The following ZNF536 variants were observed in gnomAD, a reference collection of about 807,000 sequenced individuals.
The protein encoded by ZNF536 is zinc finger protein 536.
ZNF536 carries 13 observed loss-of-function variants against 84.5 expected under a neutral mutation model. That is an observed-to-expected ratio of 0.15 (90% CI 0.10 to 0.24). The LOEUF is 0.24. Ranked by LOEUF, ZNF536 falls within the 10% of genes least tolerant of loss-of-function variation. ZNF536 has a pLI of 1.00. For synonymous variants in ZNF536, 811 were observed against 742.5 expected, an observed-to-expected ratio of 1.09 and a Z score of -1.50; for missense variants, 1,536 against 1,747.5, an observed-to-expected ratio of 0.88 and a Z score of 2.16.
At chr19:30,696,722 G>T (rs945688680) in intron 1 of ZNF536, among the ~76,000 whole-genome samples, 1 of 152,188 alleles carries the variant, frequency 6.6e-6, no homozygotes, top group African/African-American at 2.4e-5. Context: ...CAGGCCCCAG[G>T]AAGAGTAGCC....
chr19:30,502,337 G>A (rs951521943), intron 2 of ZNF536, among the ~76,000 whole-genome samples: 1 of 152,154 alleles, frequency 6.6e-6, no homozygotes, highest in Non-Finnish European at 1.5e-5. Flanking sequence ...CTGGCAGTGT[G>A]GGTGGGAATG....
intron 2 of ZNF536, among the ~76,000 whole-genome samples, chr19:30,495,703 G>C (rs554125165): frequency 6.4e-4 from 97 of 152,312 alleles, no homozygotes; most frequent in Middle Eastern, 6.8e-3. Context: ...GTTCTTTATG[G>C]GGGTATCTGA....
At chr19:30,552,763 C>T (rs577440006) in intron 4 of ZNF536, among the ~76,000 whole-genome samples, 7 of 152,176 alleles carry the variant, frequency 4.6e-5, no homozygotes, top group Non-Finnish European at 7.3e-5. Flanking sequence ...GGGGAGAAGC[C>T]GACCCAGCCA....
chr19:30,266,555 T>G (rs2025525208), intron 1 of ZNF536, among the ~76,000 whole-genome samples: 1 of 152,210 alleles, frequency 6.6e-6, no homozygotes, highest in African/African-American at 2.4e-5. Flanking sequence ...CTAAAAATAT[T>G]TATTTGAAAT....
At chr19:30,468,583 T>C (rs553678611) in intron 2 of ZNF536, among the ~76,000 whole-genome samples, 1 of 152,162 alleles carries the variant, frequency 6.6e-6, no homozygotes, top group Admixed American at 6.5e-5. Context: ...AGATGTCACT[T>C]GGTGGTATGG....
intron 2 of ZNF536, among the ~76,000 whole-genome samples, chr19:30,313,054 G>A (rs538080457): frequency 8.5e-5 from 13 of 152,354 alleles, no homozygotes; most frequent in Non-Finnish European, 1.8e-4. Context: ...GAGCCTCAGA[G>A]CAGACATGCC....
chr19:30,590,815 G>A (rs1346158315), intron 1 of ZNF536, among the ~76,000 whole-genome samples: 2 of 152,182 alleles, frequency 1.3e-5, no homozygotes, highest in Admixed American at 1.3e-4. Context: ...GTTTTCTGTG[G>A]TTCCCATTTA....
intron 1 of ZNF536, among the ~76,000 whole-genome samples, chr19:30,400,454 C>T (rs1368737267): frequency 2.6e-5 from 4 of 152,104 alleles, no homozygotes; most frequent in Non-Finnish European, 4.4e-5. Flanking sequence ...TGTTCCTGAA[C>T]ATATTTTCAT....
intron 2 of ZNF536, among the ~76,000 whole-genome samples, chr19:30,345,372 A>C (rs1047460377): frequency 6.6e-6 from 1 of 152,250 alleles, no homozygotes; most frequent in Non-Finnish European, 1.5e-5. Flanking sequence ...ATGTACATAG[A>C]TGGGCAAGAA....
At chr19:30,383,453 C>T (rs2049102707) in intron 1 of ZNF536, among the ~76,000 whole-genome samples, 1 of 152,182 alleles carries the variant, frequency 6.6e-6, no homozygotes, top group Non-Finnish European at 1.5e-5. Context: ...TTCCAGGAGG[C>T]CCTGTGGAGG....
chr19:30,406,544 C>T (rs953832661), intron 1 of ZNF536, among the ~76,000 whole-genome samples: 1 of 152,138 alleles, frequency 6.6e-6, no homozygotes, highest in Non-Finnish European at 1.5e-5. Context: ...ATAGGAAATG[C>T]GTATTTTTAG....
Position 30,549,021 on chromosome 19 carries a change from G to A in ZNF536, c.3402G>A (p.Glu1134=), listed in dbSNP as rs772845634. The stretch of plus-strand genomic sequence containing the variant: ...CCTCCAGTTCCTGCCCCAACAAGGA[G>A]CCTGATGGAAAGGCCCACTCTGAAG... ...SGASSSCPNK[E]PDGKAHSEED... Residue 1134 remains glutamate, a synonymous_variant, in exon 4 of 5, where the codon GAG becomes GAA. Transcript: ENST00000355537. 27 of 1,614,146 alleles carry A rather than the reference G, an allele frequency of 1.7e-5. No homozygotes were observed. In the South Asian group the frequency reaches 2.6e-4, roughly 16 times the overall value.
At chr19:30,431,516 G>A (rs770368308) in intron 1 of ZNF536, among the ~76,000 whole-genome samples, 8 of 152,148 alleles carry the variant, frequency 5.3e-5, no homozygotes, top group Non-Finnish European at 1.0e-4. Flanking sequence ...TCCCTGGGCC[G>A]ACTTCTATAA....
intron 2 of ZNF536, among the ~76,000 whole-genome samples, chr19:30,528,378 G>A (rs2044675342): frequency 6.6e-6 from 1 of 152,144 alleles, no homozygotes; most frequent in Admixed American, 6.5e-5. Context: ...CTCTCACTCT[G>A]CCTCTTTTGG....
At chr19:30,710,260 G>C (rs1417093092) in intron 1 of ZNF536, among the ~76,000 whole-genome samples, 2 of 152,148 alleles carry the variant, frequency 1.3e-5, no homozygotes, top group Non-Finnish European at 2.9e-5. Flanking sequence ...ACTCTAGCTA[G>C]AGCCTGGTGT....
At chr19:30,286,508 G>T (rs2045632071) in intron 2 of ZNF536, among the ~76,000 whole-genome samples, 1 of 149,242 alleles carries the variant, frequency 6.7e-6, no homozygotes, top group Non-Finnish European at 1.5e-5. Flanking sequence ...GACAGACAGA[G>T]AAAGAGAGAC....
At chr19:30,443,513 C>T (rs1277825406) in intron 1 of ZNF536, 48 bp from the exon 2 acceptor site, 5 of 1,500,398 alleles carry the variant, frequency 3.3e-6, no homozygotes, top group Non-Finnish European at 3.5e-6. Context: ...TGATTCATGG[C>T]GCCACAGCCG....
Position 30,430,713 on chromosome 19 carries a change from C to T in ZNF536, c.-2-12848C>T, listed in dbSNP as rs1420152090. ...TGAGAAAAGGGAGTCCTTTCTCTTT[C>T]ACCCAGGCTAGAGTGCAGTGGTGCA... On this transcript the variant is annotated intron_variant, in intron 1 of 4. Coordinates refer to ENST00000355537, the MANE Select transcript of ZNF536 (RefSeq NM_014717.3). Among the ~76,000 whole-genome samples, 9 of 152,326 alleles carry T rather than the reference C, an allele frequency of 5.9e-5. No individual in the cohort carries two copies. The South Asian group carries it at 1.9e-3, about 32-fold the overall frequency.
intron 2 of ZNF536, among the ~76,000 whole-genome samples, chr19:30,348,814 C>CTTTTTTTTTTT (rs5827705): frequency 7.5e-6 from 1 of 132,666 alleles, no homozygotes. Flanking sequence ...TTTTTCTTTT[C>CTTTTTTTTTTT]TTTTTTTTTT....
Sources: gnomAD v4.1 joint callset for allele counts (sites outside exome capture counted in the v4.1 genomes callset) on GRCh38, gnomAD v4.1.1 for gene constraint, MANE v1.5 for transcripts, NCBI Gene and HGNC (gene_info 2026-07-23, HGNC 2026-07-21) for gene names.